ANKMY1: variants seen among roughly 807,000 people sequenced by gnomAD.
The protein encoded by ANKMY1 is ankyrin repeat and MYND domain containing 1, also known as ankyrin repeat and MYND domain-containing protein 1.
Under a neutral mutation model 102.0 loss-of-function variants are expected in ANKMY1, and 98 were observed. That is an observed-to-expected ratio of 0.96 (90% confidence interval 0.82 to 1.14). The LOEUF (loss-of-function observed/expected upper bound fraction) is 1.14. ANKMY1 is among the 50% of genes most tolerant of loss of function. ANKMY1 has a pLI of 0.00. For missense variants in ANKMY1, 1,330 were observed against 1,347.6 expected, an observed-to-expected ratio of 0.99 and a Z score of 0.20; for synonymous variants, 582 against 559.9, an observed-to-expected ratio of 1.04 and a Z score of -0.56.
intron 13 of ANKMY1, among the ~76,000 whole-genome samples, chr2:240,501,902 C>G (rs539045602): frequency 6.6e-6 from 1 of 152,216 alleles, no homozygotes; most frequent in Non-Finnish European, 1.5e-5. Context: ...ATGGAGCCAG[C>G]CAGATCCACC....
At chr2:240,544,451 T>C (rs944479881) in intron 4 of ANKMY1, among the ~76,000 whole-genome samples, 2 of 152,212 alleles carry the variant, frequency 1.3e-5, no homozygotes, top group Admixed American at 6.5e-5. Context: ...TTGGAGAAGT[T>C]TGGCTAATTA....
chr2:240,545,650 C>A (rs1007569263), intron 4 of ANKMY1, among the ~76,000 whole-genome samples: 1 of 152,080 alleles, frequency 6.6e-6, no homozygotes, highest in African/African-American at 2.4e-5. Flanking sequence ...ATAACCAATA[C>A]AGAGAAGTGC....
At chr2:240,490,962 T>C (rs1231835677) in intron 15 of ANKMY1, among the ~76,000 whole-genome samples, 4 of 152,190 alleles carry the variant, frequency 2.6e-5, no homozygotes, top group Admixed American at 2.6e-4. Flanking sequence ...TTGCAGTATA[T>C]CTATCTGTCT....
intron 5 of ANKMY1, 142 bp downstream of exon 5, chr2:240,528,895 T>A: frequency 1.3e-6 from 1 of 771,678 alleles, no homozygotes; most frequent in Non-Finnish European, 2.1e-6. Flanking sequence ...ATCGCCCACA[T>A]CAGTCACTTA....
intron 13 of ANKMY1, among the ~76,000 whole-genome samples, chr2:240,505,656 G>T (rs1234392278): frequency 6.6e-6 from 1 of 152,120 alleles, no homozygotes; most frequent in African/African-American, 2.4e-5. Flanking sequence ...CTCAGAAGTG[G>T]TGAGTCTAGG....
intron 15 of ANKMY1, among the ~76,000 whole-genome samples, chr2:240,483,399 C>T (rs2075665127): frequency 6.6e-6 from 1 of 152,150 alleles, no homozygotes; most frequent in Non-Finnish European, 1.5e-5. Flanking sequence ...TCAGGTGATC[C>T]ATCCTCCTCG....
intron 15 of ANKMY1, among the ~76,000 whole-genome samples, chr2:240,488,425 T>C (rs1454930283): frequency 6.6e-6 from 1 of 152,256 alleles, no homozygotes; most frequent in Non-Finnish European, 1.5e-5. Flanking sequence ...CTTTGTTCTT[T>C]TTGTTCCAGA....
At chr2:240,527,056 T>C (rs944725502) in intron 5 of ANKMY1, 3 of 970,208 alleles carry the variant, frequency 3.1e-6, no homozygotes, top group African/African-American at 1.8e-5. Flanking sequence ...TGGATGTATG[T>C]TGCATGAGTG....
Position 240,499,265 on chromosome 2 carries a change from G to T in ANKMY1, c.2806+693C>A, listed in dbSNP as rs1266693705. Among the ~76,000 whole-genome samples, 1 of 151,522 alleles carries T rather than the reference G, an allele frequency of 6.6e-6. No individual in the cohort carries two copies. Among genetic ancestry groups the T allele is most frequent in the Non-Finnish European group, 1.5e-5 (1 of 67,878 alleles). On this transcript the variant is annotated intron_variant, in intron 15 of 17. Transcript: ENST00000401804. This position sits in a 1 kb window ranked among gnomAD's most constrained non-coding sequence, Gnocchi z 4.2. ...AGAGGATGGCTGTGGGTATCAGTGT[G>T]TGTGGATGTGTAAGTGGGTCTGTGT... is the stretch of plus-strand genomic sequence containing the variant.
chr2:240,545,940 G>A (rs956737228), intron 4 of ANKMY1, among the ~76,000 whole-genome samples: 2 of 152,176 alleles, frequency 1.3e-5, no homozygotes, highest in African/African-American at 2.4e-5. Flanking sequence ...CACTCTGCAG[G>A]ATATCATCCA....
intron 13 of ANKMY1, among the ~76,000 whole-genome samples, chr2:240,505,535 G>C (rs1652568697): frequency 6.6e-6 from 1 of 152,030 alleles, no homozygotes; most frequent in Non-Finnish European, 1.5e-5. Context: ...CAAGTTCCCA[G>C]AAGAACTGAA....
chr2:240,492,767 T>C (rs2076797161), intron 15 of ANKMY1, among the ~76,000 whole-genome samples: 1 of 152,278 alleles, frequency 6.6e-6, no homozygotes, highest in Middle Eastern at 3.4e-3. Flanking sequence ...CTCGGCTCAC[T>C]GCAACCTCCG....
upstream of ANKMY1, chr2:240,558,065 C>T (rs2092608739): frequency 1.2e-6 from 1 of 844,878 alleles, no homozygotes. Flanking sequence ...ATCCCCCCGC[C>T]AGGACGCACC....
At chr2:240,473,123 T>TTAA in the ANKMY1 span, among the ~76,000 whole-genome samples, 45 of 108,484 alleles carry the variant, frequency 4.1e-4, no homozygotes, top group African/African-American at 1.8e-3. Flanking sequence ...AAACTCTGTC[T>TTAA]AAAAAAAAAA....
At chr2:240,480,776 G>A (rs374040254) in intron 17 of ANKMY1, among the ~76,000 whole-genome samples, 161 bp downstream of exon 17, 79 of 152,310 alleles carry the variant, frequency 5.2e-4, no homozygotes, top group African/African-American at 1.8e-3. Context: ...CAGTGGCCCC[G>A]ATGCCCACCT....
Position 240,520,500 on chromosome 2 carries a change from C to A in ANKMY1, c.1866G>T (p.Leu622=). ...RRKRWRTIKL[L]LRRGADPNLC... ...GGTTGGGGTCCGCGCCCCGGCGCAG[C>A]AGCAGCTTGATGGTCCGCCAGCGCT... is the stretch of plus-strand genomic sequence containing the variant. Residue 622 remains leucine (L), a synonymous_variant, in exon 9 of 18, where the codon CTG becomes CTT. Transcript: ENST00000401804. This position sits in a 1 kb window ranked among gnomAD's most constrained non-coding sequence, Gnocchi z 4.8. 1 of 1,613,110 alleles carries A rather than the reference C, an allele frequency of 6.2e-7. No homozygotes were observed. Among genetic ancestry groups the A allele is most frequent in the Non-Finnish European group, 8.5e-7 (1 of 1,179,634 alleles).
Position 240,529,658 on chromosome 2 carries a change from C to G in ANKMY1, c.481-149G>C, listed in dbSNP as rs1259138402. 3 of 823,560 alleles carry G rather than the reference C, an allele frequency of 3.6e-6. No homozygotes were observed. The highest frequency in any genetic ancestry group is 5.5e-6 in the Non-Finnish European group (3 of 542,252). 51.0% of individuals were successfully genotyped at this position (823,560 alleles called of 1,614,324 possible). A position where few individuals can be genotyped will look rare whatever the true frequency, so the allele number is the denominator to read the frequency against. ...CAGTAAACATCTCTGGAGGCTTAGG[C>G]TGTGCCGCCCAGGGACCGAGGCGGA... is the stretch of plus-strand genomic sequence containing the variant. On this transcript the variant is annotated intron_variant, in intron 4 of 17. Transcript: ENST00000401804. This position sits in a 1 kb window ranked among gnomAD's most constrained non-coding sequence, Gnocchi z 4.2.
intron 15 of ANKMY1, among the ~76,000 whole-genome samples, chr2:240,485,780 A>G (rs966885947): frequency 6.6e-6 from 1 of 152,004 alleles, no homozygotes; most frequent in Non-Finnish European, 1.5e-5. Flanking sequence ...TTTTGTAGAG[A>G]CAGGGTCTTG....
chr2:240,531,917 G>GA (rs1464192231), intron 4 of ANKMY1, among the ~76,000 whole-genome samples: 2 of 151,980 alleles, frequency 1.3e-5, no homozygotes, highest in East Asian at 1.9e-4. Flanking sequence ...CTAAAAAATG[G>GA]AAAAAATACT....
Sources: allele counts gnomAD v4.1 joint callset (sites outside exome capture counted in the v4.1 genomes callset), GRCh38; gene constraint gnomAD v4.1.1; non-coding constraint Gnocchi (gnomAD v3.1); transcripts MANE v1.5; gene names NCBI Gene and HGNC (gene_info 2026-07-23, HGNC 2026-07-21).